LRRFIP1: variants seen among roughly 807,000 people sequenced by gnomAD.
LRRFIP1 encodes LRR binding FLII interacting protein 1, also known as leucine-rich repeat flightless-interacting protein 1.
LRRFIP1 carries 62 observed loss-of-function variants against 104.4 expected under a neutral mutation model. The ratio of observed to expected loss-of-function variants is 0.59; its 90% CI spans 0.48 to 0.73. The LOEUF (loss-of-function observed/expected upper bound fraction) is 0.73, where lower values mean the gene tolerates loss of function less well. Among genes scored for constraint, LRRFIP1 ranks in the 30% least tolerant of loss-of-function variants. The pLI, the probability that LRRFIP1 is intolerant of heterozygous loss-of-function variation, is 0.00. For missense variants in LRRFIP1, 796 were observed against 824.5 expected (o/e 0.97, Z 0.42); for synonymous variants, 300 against 299.0 (o/e 1.00, Z -0.03).
chr2:237,770,982 T>A (rs1442704030), intron 20 of LRRFIP1, among the ~76,000 whole-genome samples: 1 of 152,184 alleles, frequency 6.6e-6, no homozygotes, highest in Non-Finnish European at 1.5e-5. Context: ...GGTAGGAAGA[T>A]TCTCTTGAAG....
chr2:237,720,407 C>T (rs2094497640), intron 5 of LRRFIP1, among the ~76,000 whole-genome samples: 1 of 151,756 alleles, frequency 6.6e-6, no homozygotes, highest in Admixed American at 6.6e-5. Context: ...GCCATGACAC[C>T]CGGCTAATTT....
chr2:237,645,340 G>A (rs931080214), intron 1 of LRRFIP1, among the ~76,000 whole-genome samples: 5 of 152,180 alleles, frequency 3.3e-5, no homozygotes, highest in African/African-American at 4.8e-5. Context: ...GCTCAGCCCC[G>A]TGCCCCTGGC....
chr2:237,705,450 C>T (rs1244272432), intron 1 of LRRFIP1, among the ~76,000 whole-genome samples: 1 of 151,998 alleles, frequency 6.6e-6, no homozygotes, highest in Admixed American at 6.6e-5. Flanking sequence ...TGGCATGAAC[C>T]CAGGAGTTCG....
chr2:237,707,089 A>G (rs1393394898), intron 1 of LRRFIP1, among the ~76,000 whole-genome samples: 1 of 152,190 alleles, frequency 6.6e-6, no homozygotes, highest in East Asian at 1.9e-4. Flanking sequence ...CAAATTCCTC[A>G]TGAGGACACA....
intron 1 of LRRFIP1, among the ~76,000 whole-genome samples, chr2:237,690,218 G>T (rs189128592): frequency 4.5e-4 from 69 of 152,302 alleles, no homozygotes; most frequent in Non-Finnish European, 9.1e-4. Flanking sequence ...CCTGCTCTGG[G>T]AGATGTGGTC....
chr2:237,666,275 G>A (rs951347394), intron 1 of LRRFIP1, among the ~76,000 whole-genome samples: 1 of 152,268 alleles, frequency 6.6e-6, no homozygotes, highest in African/African-American at 2.4e-5. Flanking sequence ...TGGCAGTCCT[G>A]TGCAGCAATG....
chr2:237,755,669 C>G (rs965733404), intron 15 of LRRFIP1, among the ~76,000 whole-genome samples: 1 of 152,234 alleles, frequency 6.6e-6, no homozygotes, highest in African/African-American at 2.4e-5. Context: ...TGCAGTGGCT[C>G]ATGCCTGTAA....
intron 7 of LRRFIP1, among the ~76,000 whole-genome samples, chr2:237,727,591 AC>A (rs2094810538): frequency 6.6e-6 from 1 of 152,194 alleles, no homozygotes; most frequent in Non-Finnish European, 1.5e-5. Context: ...CAAATGTTCC[AC>A]CCCGTGGAGG....
At chr2:237,770,111 C>A in intron 20 of LRRFIP1, 119 bp downstream of exon 20, 2 of 758,212 alleles carry the variant, frequency 2.6e-6, no homozygotes, top group South Asian at 1.6e-5. Flanking sequence ...AAGTCTTTAT[C>A]AAGCCAACTG....
intron 2 of LRRFIP1, among the ~76,000 whole-genome samples, chr2:237,713,407 C>T (rs1358181523): frequency 6.6e-6 from 1 of 152,202 alleles, no homozygotes; most frequent in Non-Finnish European, 1.5e-5. Flanking sequence ...GAACCTTGAA[C>T]TTCTTAGGGA....
intron 1 of LRRFIP1, among the ~76,000 whole-genome samples, chr2:237,674,959 C>T (rs887603369): frequency 1.3e-5 from 2 of 152,372 alleles, no homozygotes; most frequent in East Asian, 3.9e-4. Context: ...GGCCCTGCCC[C>T]CAGAGAGAGC....
chr2:237,656,187 AAAAC>A (rs1401990311), intron 1 of LRRFIP1, among the ~76,000 whole-genome samples: 1 of 152,232 alleles, frequency 6.6e-6, no homozygotes, highest in African/African-American at 2.4e-5. Context: ...AAAACTAAAT[AAAAC>A]AAAACCAAGA....
rs2149377054 is a variant in LRRFIP1 at position 237,649,098 on chromosome 2, G to A, written c.96+21358G>A. Among the ~76,000 whole-genome samples the A allele has an allele frequency of 6.6e-6, 1 of 151,940 alleles. No individual in the cohort carries two copies. ...CTGCCCTGGGTCTTGGCCGGCCCCTGGAGCTGGAGGAGGTGCTGGGCCATG... is the reference window on the plus strand; with the variant it reads ...CTGCCCTGGGTCTTGGCCGGCCCCTAGAGCTGGAGGAGGTGCTGGGCCATG... On this transcript the variant is annotated intron_variant, in intron 1 of 23. Coordinates refer to ENST00000308482, the MANE Select transcript of LRRFIP1 (RefSeq NM_001137550.2). The surrounding 1 kb of genome is among the most constrained non-coding windows in gnomAD (Gnocchi z 4.1).
Position 237,691,989 on chromosome 2 carries a change from T to C in LRRFIP1, c.97-16555T>C, listed in dbSNP as rs1372011738. On this transcript the variant is annotated intron_variant, in intron 1 of 23. Transcript: ENST00000308482. This position sits in a 1 kb window ranked among gnomAD's most constrained non-coding sequence, Gnocchi z 5.4. ...CGGGGCCTGGGTGGGGCGGAGCCGG[T>C]GGGGGTGGGGAAAGGGGCGTAACCG... Among the ~76,000 whole-genome samples, 2 of 38,022 alleles carry C rather than the reference T, an allele frequency of 5.3e-5. 1 individual carries two copies. The highest frequency in any genetic ancestry group is 1.0e-4 in the Non-Finnish European group (2 of 19,604). 24.9% of individuals were successfully genotyped at this position (38,022 alleles called of 152,430 possible).
intron 1 of LRRFIP1, among the ~76,000 whole-genome samples, chr2:237,702,339 C>G (rs949197733): frequency 3.3e-5 from 5 of 152,186 alleles, no homozygotes; most frequent in African/African-American, 2.4e-5. Context: ...CAAAGAGTAT[C>G]TTGCTGTAAG....
chr2:237,747,489 C>T (rs1198918102), intron 11 of LRRFIP1, among the ~76,000 whole-genome samples: 1 of 152,162 alleles, frequency 6.6e-6, no homozygotes, highest in Non-Finnish European at 1.5e-5. Flanking sequence ...TGCAGGTCCC[C>T]GGCACCAGCG....
At chr2:237,771,409 G>T (rs1244205678) in intron 20 of LRRFIP1, among the ~76,000 whole-genome samples, 1 of 151,944 alleles carries the variant, frequency 6.6e-6, no homozygotes, top group East Asian at 1.9e-4. Flanking sequence ...GAAGTGAGTT[G>T]TAGGCGTTGG....
At chr2:237,767,492 A>G (rs990992543) in intron 19 of LRRFIP1, among the ~76,000 whole-genome samples, 2 of 152,222 alleles carry the variant, frequency 1.3e-5, no homozygotes, top group Non-Finnish European at 2.9e-5. Flanking sequence ...AAGTATAATT[A>G]TGGGTGTATG....
At chr2:237,642,480 G>A (rs931759036) in intron 1 of LRRFIP1, among the ~76,000 whole-genome samples, 1 of 151,776 alleles carries the variant, frequency 6.6e-6, no homozygotes, top group African/African-American at 2.4e-5. Context: ...AGGGTTTCAG[G>A]TTCCGGGTTC....
Sources: allele counts gnomAD v4.1 joint callset (sites outside exome capture counted in the v4.1 genomes callset), GRCh38; gene constraint gnomAD v4.1.1; non-coding constraint Gnocchi (gnomAD v3.1); transcripts MANE v1.5; gene names NCBI Gene and HGNC (gene_info 2026-07-23, HGNC 2026-07-21).